The following RGS6 variants were observed in gnomAD, a reference collection of about 807,000 sequenced individuals.
RGS6 encodes regulator of G-protein signaling 6.
RGS6 carries 30 observed loss-of-function variants against 78.5 expected under a neutral mutation model. That is an observed-to-expected ratio of 0.38 (90% CI 0.29 to 0.52). The LOEUF (loss-of-function observed/expected upper bound fraction) is 0.52, where lower values mean the gene tolerates loss of function less well. Ranked by LOEUF, RGS6 falls within the 20% of genes least tolerant of loss-of-function variation. RGS6 has a pLI of 0.85. For missense variants in RGS6, 495 were observed against 609.7 expected (o/e 0.81, Z 1.98); for synonymous variants, 206 against 206.0 (o/e 1.00, Z 0.00).
chr14:71,952,133 G>A lies in RGS6; in HGVS notation c.-20-12639G>A, dbSNP rs1038700288. Among the ~76,000 whole-genome samples, 18 of 152,056 alleles carry A rather than the reference G, an allele frequency of 1.2e-4. No individual in the cohort carries two copies. The East Asian group carries it at 3.1e-3, about 26-fold the overall frequency. Reference sequence around the variant, plus strand: ...ATTTGTTTTTCTTGCCTGTTGTATAGGCTAAGACCTCAAATATAATGGTGA... The same window carrying A: ...ATTTGTTTTTCTTGCCTGTTGTATAAGCTAAGACCTCAAATATAATGGTGA... On this transcript the variant is annotated intron_variant, in intron 1 of 17. Transcript: ENST00000553525.
intron 2 of RGS6, among the ~76,000 whole-genome samples, chr14:72,012,935 C>T (rs951049181): frequency 6.6e-5 from 10 of 152,122 alleles, no homozygotes; most frequent in African/African-American, 2.4e-4. Context: ...AGGTATTTCT[C>T]TTGTCAAGTA....
intron 3 of RGS6, among the ~76,000 whole-genome samples, chr14:72,381,123 C>T (rs1257470898): frequency 6.6e-6 from 1 of 151,940 alleles, no homozygotes; most frequent in East Asian, 1.9e-4. Flanking sequence ...ATATTGATCT[C>T]ATAGAAGTAG....
At chr14:72,119,945 G>C (rs1001285787) in intron 2 of RGS6, among the ~76,000 whole-genome samples, 1 of 152,226 alleles carries the variant, frequency 6.6e-6, no homozygotes, top group African/African-American at 2.4e-5. Context: ...GTGAGGAGTG[G>C]AGTGTTGCCT....
At position 72,014,979 on chromosome 14, in the gene RGS6, G is replaced by A. The variant is rs113115771; in HGVS notation, c.84+50104G>A. 3.4e-3 allele frequency among the ~76,000 whole-genome samples: 520 copies of A among 152,254 alleles called. 4 individuals carry two copies. The highest frequency in any genetic ancestry group is 0.011 in the African/African-American group (448 of 41,534). On this transcript the variant is annotated intron_variant, in intron 2 of 17. Coordinates refer to ENST00000553525, the MANE Select transcript of RGS6 (RefSeq NM_001204424.2). ...ATCTTGTGTGTGTCCTTCTAACATT[G>A]TCTTTGAGGTTTATCCATGTTGATT...
rs191285953 is a variant in RGS6 at position 71,976,651 on chromosome 14, C to T, written c.84+11776C>T. On this transcript the variant is annotated intron_variant, in intron 2 of 17. Coordinates refer to ENST00000553525, the MANE Select transcript of RGS6 (RefSeq NM_001204424.2). ...GTATATGTGCCACATTTTCTTAATC[C>T]AGTCTATCATTGTTGGACATTTGAG... 2.9e-3 allele frequency among the ~76,000 whole-genome samples: 438 copies of T among 152,274 alleles called. 2 individuals carry two copies. Among genetic ancestry groups the T allele is most frequent in the African/African-American group, 9.6e-3 (399 of 41,540 alleles).
chr14:72,562,922 A>C lies in RGS6; in HGVS notation c.*455A>C, dbSNP rs2153557525. 4.4e-6 allele frequency: 3 copies of C among 674,262 alleles called. No individual in the cohort carries two copies. The highest frequency in any genetic ancestry group is 1.8e-5 in the South Asian group (1 of 56,866). The allele number at this position is 674,262 out of a possible 1,614,324, so 41.8% of individuals were successfully genotyped here. Reference sequence around the variant, plus strand: ...CCAGCATTTGCATCACCTCCCTGGCACCTCCCATAGTTACAGCCACTACAT... The same window carrying C: ...CCAGCATTTGCATCACCTCCCTGGCCCCTCCCATAGTTACAGCCACTACAT... On this transcript the variant is annotated 3_prime_UTR_variant, in exon 18 of 18. Transcript: ENST00000553525.
At chr14:71,942,191 T>C (rs1431654560) in intron 1 of RGS6, among the ~76,000 whole-genome samples, 1 of 152,166 alleles carries the variant, frequency 6.6e-6, no homozygotes, top group African/African-American at 2.4e-5. Flanking sequence ...AAAATGCTTA[T>C]AAGTAGGCAA....
At chr14:72,147,914 G>A (rs968045567) in intron 2 of RGS6, among the ~76,000 whole-genome samples, 2 of 152,070 alleles carry the variant, frequency 1.3e-5, no homozygotes, top group Admixed American at 6.5e-5. Context: ...GGCAGATCAC[G>A]AAGTCAGGAG....
At chr14:72,137,234 A>G (rs1055923509) in intron 2 of RGS6, among the ~76,000 whole-genome samples, 2 of 152,180 alleles carry the variant, frequency 1.3e-5, no homozygotes, top group African/African-American at 4.8e-5. Flanking sequence ...GGAGCCTTAC[A>G]TATATGATTT....
At chr14:72,473,880 C>T (rs1244069137) in intron 9 of RGS6, 2 of 152,202 alleles carry the variant, frequency 1.3e-5, no homozygotes, top group Admixed American at 6.5e-5. Context: ...TTTATTTCCT[C>T]CTAAGGCACA....
the RGS6 span, among the ~76,000 whole-genome samples, chr14:71,921,148 A>G: frequency 2.0e-5 from 3 of 152,232 alleles, no homozygotes; most frequent in Non-Finnish European, 2.9e-5. Flanking sequence ...CAAAACCACA[A>G]TGAGATATCA....
At chr14:72,275,714 C>T (rs1274551390) in intron 2 of RGS6, among the ~76,000 whole-genome samples, 1 of 152,230 alleles carries the variant, frequency 6.6e-6, no homozygotes, top group East Asian at 1.9e-4. Context: ...CTACCAGTGT[C>T]TCTCGCTTAT....
intron 3 of RGS6, among the ~76,000 whole-genome samples, chr14:72,372,364 A>T (rs1816417841): frequency 6.6e-6 from 1 of 152,244 alleles, no homozygotes; most frequent in Non-Finnish European, 1.5e-5. Context: ...TTAAATTCCA[A>T]CACTTAATTC....
At chr14:71,995,448 A>G (rs934591012) in intron 2 of RGS6, among the ~76,000 whole-genome samples, 1 of 152,216 alleles carries the variant, frequency 6.6e-6, no homozygotes, top group African/African-American at 2.4e-5. Context: ...TCACAGGGAC[A>G]TAAGTGGAAA....
intron 3 of RGS6, among the ~76,000 whole-genome samples, chr14:72,361,154 A>C (rs1328442969): frequency 1.3e-5 from 2 of 150,050 alleles, no homozygotes; most frequent in Non-Finnish European, 2.9e-5. Flanking sequence ...AGAATGTACT[A>C]ATACAGTGAC....
At chr14:72,321,795 AATAAC>A (rs761577338) in intron 2 of RGS6, among the ~76,000 whole-genome samples, 37 of 152,022 alleles carry the variant, frequency 2.4e-4, no homozygotes, top group Non-Finnish European at 8.8e-5. Flanking sequence ...AGATGGCCTA[AATAAC>A]ATAAGTAAGT....
chr14:72,232,959 C>T lies in RGS6; in HGVS notation c.85-119136C>T, dbSNP rs950113294. ...GCAGAGCATGGGTGGCCACAGGAGA[C>T]GTAAGGGAGCGTTGTCTGAGGGGAT... is the stretch of plus-strand genomic sequence containing the variant. On this transcript the variant is annotated intron_variant, in intron 2 of 17. Transcript: ENST00000553525. Among the ~76,000 whole-genome samples, 6 of 152,200 alleles carry T rather than the reference C, an allele frequency of 3.9e-5. No homozygotes were observed. In the South Asian group the frequency reaches 6.2e-4, roughly 16 times the overall value.
At chr14:72,459,972 C>CCA (rs2095737395) in intron 6 of RGS6, among the ~76,000 whole-genome samples, 1 of 152,100 alleles carries the variant, frequency 6.6e-6, no homozygotes, top group African/African-American at 2.4e-5. Flanking sequence ...AACCAGGATC[C>CCA]CACAGCAACA....
At chr14:72,400,731 T>C (rs148745194) in intron 3 of RGS6, among the ~76,000 whole-genome samples, 3 of 152,360 alleles carry the variant, frequency 2.0e-5, no homozygotes, top group Non-Finnish European at 4.4e-5. Context: ...CCAGACTCAC[T>C]TTTATAAAAA....
Sources: allele counts gnomAD v4.1 joint callset (sites outside exome capture counted in the v4.1 genomes callset), GRCh38; gene constraint gnomAD v4.1.1; transcripts MANE v1.5; gene names NCBI Gene and HGNC (gene_info 2026-07-23, HGNC 2026-07-21).